Variants in HGSNAT observed in about 807,000 individuals in gnomAD.
The protein encoded by HGSNAT is heparan-alpha-glucosaminide N-acetyltransferase.
HGSNAT carries 59 observed loss-of-function variants against 85.2 expected under a neutral mutation model. The ratio of observed to expected loss-of-function variants is 0.69; its 90% confidence interval spans 0.56 to 0.86. The LOEUF is 0.86. Ranked by LOEUF, HGSNAT falls within the 40% of genes least tolerant of loss-of-function variation. The pLI is 0.00. For missense variants in HGSNAT, 756 were observed against 777.1 expected (o/e 0.97, Z 0.32); for synonymous variants, 321 against 304.5 (o/e 1.05, Z -0.56).
chr8:43,140,959 CAG>C (rs1377378419), intron 1 of HGSNAT, among the ~76,000 whole-genome samples: 3 of 152,202 alleles, frequency 2.0e-5, no homozygotes, highest in Admixed American at 2.0e-4. Context: ...CACAAACTGG[CAG>C]CCAGGAGGCG....
At chr8:43,191,699 T>A in intron 12 of HGSNAT, 104 bp downstream of exon 12, 1 of 1,395,250 alleles carries the variant, frequency 7.2e-7, no homozygotes, top group Admixed American at 1.9e-5. Context: ...TCTTTCCCTC[T>A]TCCTTCTCCT....
At position 43,194,140 on chromosome 8, in the gene HGSNAT, A is replaced by G. The variant is rs952446077; in HGVS notation, c.1464+297A>G. On this transcript the variant is annotated intron_variant, in intron 14 of 17. Transcript: ENST00000379644. ...TGCCAAGCTGCAGTGGCTCATGCCT[A>G]TAACGCCAACATTTTGGGAAGCCAA... The G allele has an allele frequency of 1.2e-5, 13 of 1,117,036 alleles. No individual in the cohort carries two copies. The African/African-American group carries it at 2.1e-4, about 18-fold the overall frequency. The allele number at this position is 1,117,036 out of a possible 1,614,324, so 69.2% of individuals were successfully genotyped here.
At chr8:43,183,428 A>G (rs888737718) in intron 11 of HGSNAT, among the ~76,000 whole-genome samples, 3 of 150,926 alleles carry the variant, frequency 2.0e-5, no homozygotes, top group African/African-American at 7.3e-5. Flanking sequence ...CAGCCTCCCA[A>G]AATGCTAGGA....
At chr8:43,146,139 T>C (rs2130673699) in intron 1 of HGSNAT, among the ~76,000 whole-genome samples, 1 of 152,162 alleles carries the variant, frequency 6.6e-6, no homozygotes, top group East Asian at 1.9e-4. Context: ...AGTTTCTGGA[T>C]TGGGGCATGC....
At chr8:43,184,356 T>G (rs1401654628) in intron 11 of HGSNAT, among the ~76,000 whole-genome samples, 1 of 151,936 alleles carries the variant, frequency 6.6e-6, no homozygotes, top group Non-Finnish European at 1.5e-5. Flanking sequence ...TATCTCATTG[T>G]GGTTTTGATT....
chr8:43,179,796 C>A (rs1426785596), intron 10 of HGSNAT, among the ~76,000 whole-genome samples: 1 of 36,810 alleles, frequency 2.7e-5, no homozygotes, highest in African/African-American at 1.3e-4. Flanking sequence ...CGGGCAGAGG[C>A]GCCCCTCACC....
intron 5 of HGSNAT, among the ~76,000 whole-genome samples, chr8:43,168,954 T>C (rs1803521145): frequency 6.6e-6 from 1 of 152,232 alleles, no homozygotes; most frequent in Admixed American, 6.5e-5. Flanking sequence ...ATCATTCCTG[T>C]TTTATTGATG....
At position 43,196,952 on chromosome 8, in the gene HGSNAT, GA is replaced by G; in HGVS notation, c.1474del (p.Ile492TyrfsTer13). On this transcript the variant is annotated frameshift_variant, in exon 15 of 18. Coordinates refer to ENST00000379644, the MANE Select transcript of HGSNAT (RefSeq NM_152419.3). LOFTEE classifies it high-confidence loss of function. The part of the protein sequence containing the change: ...IVMAFLGVQA[G>X]KILLYYKART... The stretch of plus-strand genomic sequence containing the variant: ...ACACTGTGTTATCTCCTCCAGGCAG[GA>G]AAAATACTATTGTATTACAAGGCTC... The G allele has an allele frequency of 1.2e-6, 2 of 1,601,930 alleles. No individual in the cohort carries two copies. Among genetic ancestry groups the G allele is most frequent in the Non-Finnish European group, 1.7e-6 (2 of 1,169,128 alleles).
rs544412990 is a variant in HGSNAT, at chr8:43,141,354, C to T, written c.118+740C>T. ...GGGCGCTTTTGCCCCGGGCCCCGGA[C>T]CCCGGGCGTTTGTCCGGTGCGCTGG... is the stretch of plus-strand genomic sequence containing the variant. On this transcript the variant is annotated intron_variant, in intron 1 of 17. Coordinates refer to ENST00000379644, the MANE Select transcript of HGSNAT (RefSeq NM_152419.3). Among the ~76,000 whole-genome samples the T allele has an allele frequency of 3.9e-5, 6 of 152,278 alleles. No individual in the cohort carries two copies. The East Asian group carries it at 5.8e-4, about 15-fold the overall frequency.
At chr8:43,174,273 A>C (rs1469079903) in intron 9 of HGSNAT, 6 of 152,262 alleles carry the variant, frequency 3.9e-5, no homozygotes. Flanking sequence ...TTGTTAGTGT[A>C]GATATGGTAT....
intron 10 of HGSNAT, chr8:43,181,757 T>G: frequency 5.2e-6 from 1 of 192,172 alleles, no homozygotes; most frequent in Non-Finnish European, 1.1e-5. Flanking sequence ...TGGCTTGTGT[T>G]GGGCCTGCAA....
In HGSNAT at chr8:43,201,569, T is replaced by C. The variant is rs920166842; in HGVS notation, c.*2000T>C. 6.6e-6 allele frequency: 1 copy of C among 152,240 alleles called. No homozygotes were observed. Among genetic ancestry groups the C allele is most frequent in the African/African-American group, 2.4e-5 (1 of 41,462 alleles). The allele number at this position is 152,240 out of a possible 1,614,324, so 9.4% of individuals were successfully genotyped here. On this transcript the variant is annotated 3_prime_UTR_variant, in exon 18 of 18. Coordinates refer to ENST00000379644, the MANE Select transcript of HGSNAT (RefSeq NM_152419.3). This position sits in a 1 kb window ranked among gnomAD's most constrained non-coding sequence, Gnocchi z 4.4. ...TAAACCCCCTACTTCTAAGGGAACT[T>C]CTCTAATCTCTTATCCTCATCCCCA... is the stretch of plus-strand genomic sequence containing the variant.
intron 5 of HGSNAT, among the ~76,000 whole-genome samples, chr8:43,166,454 G>A (rs1285042339): frequency 2.6e-5 from 4 of 152,124 alleles, no homozygotes; most frequent in African/African-American, 9.7e-5. Flanking sequence ...GAAATCCTAG[G>A]GTCCTTAAGA....
At chr8:43,164,231 A>AGG (rs910716443) in intron 5 of HGSNAT, among the ~76,000 whole-genome samples, 1 of 152,216 alleles carries the variant, frequency 6.6e-6, no homozygotes, top group African/African-American at 2.4e-5. Flanking sequence ...AAGATTGGCC[A>AGG]TGTGTCGACA....
At position 43,193,838 on chromosome 8, in the gene HGSNAT, G is replaced by A; in HGVS notation, c.1459G>A (p.Val487Ile). 4 of 1,613,516 alleles carry A rather than the reference G, an allele frequency of 2.5e-6. No individual in the cohort carries two copies. Among genetic ancestry groups the A allele is most frequent in the Non-Finnish European group, 2.5e-6 (3 of 1,179,518 alleles). The change falls in exon 14 of 18, where the codon GTT becomes ATT. Residue 487 changes from valine (V) to isoleucine (I), a missense_variant. Val to Ile is a conservative substitution (Grantham distance 29). Transcript: ENST00000379644. ...CTCCATCGTGATGGCCTTTTTAGGAGTTCAGGTATTTGTTCATTTCATTAG... is the reference window on the plus strand; with the variant it reads ...CTCCATCGTGATGGCCTTTTTAGGAATTCAGGTATTTGTTCATTTCATTAG... Reference protein sequence around the residue: ...INSIVMAFLGVQAGKILLYYK... With the variant: ...INSIVMAFLGIQAGKILLYYK...
At chr8:43,142,158 A>T (rs2130658336) in intron 1 of HGSNAT, among the ~76,000 whole-genome samples, 1 of 152,312 alleles carries the variant, frequency 6.6e-6, no homozygotes, top group Middle Eastern at 3.4e-3. Context: ...GAAATTAAAT[A>T]TTTGGAAAGG....
At position 43,200,660 on chromosome 8, in the gene HGSNAT, C is replaced by G. The variant is rs1804887568; in HGVS notation, c.*1091C>G. 6.6e-6 allele frequency: 1 copy of G among 152,372 alleles called. No individual in the cohort carries two copies. The highest frequency in any genetic ancestry group is 2.1e-4 in the South Asian group (1 of 4,830). 9.4% of individuals were successfully genotyped at this position (152,372 alleles called of 1,614,324 possible). On this transcript the variant is annotated 3_prime_UTR_variant, in exon 18 of 18. Transcript: ENST00000379644. ...TGTTTCTTAGGTGTGAAATCGGGGA[C>G]AAAGGACAAACAGAGACACACGGCA...
intron 14 of HGSNAT, 97 bp from the exon 15 acceptor site, chr8:43,196,851 G>A (rs1742869536): frequency 1.3e-6 from 1 of 785,626 alleles, no homozygotes; most frequent in Non-Finnish European, 2.2e-6. Flanking sequence ...TGCCCAGCAA[G>A]TGAATCTCTT....
At chr8:43,187,025 G>A (rs900720271) in intron 11 of HGSNAT, among the ~76,000 whole-genome samples, 8 of 152,162 alleles carry the variant, frequency 5.3e-5, no homozygotes, top group Non-Finnish European at 8.8e-5. Context: ...TATAATTTCT[G>A]TTCTTTTACA....
Sources: allele counts gnomAD v4.1 joint callset (sites outside exome capture counted in the v4.1 genomes callset), GRCh38; gene constraint gnomAD v4.1.1; non-coding constraint Gnocchi (gnomAD v3.1); transcripts MANE v1.5; gene names NCBI Gene and HGNC (gene_info 2026-07-23, HGNC 2026-07-21).